LY6S: variants seen among roughly 807,000 people sequenced by gnomAD.
LY6S encodes the protein lymphocyte antigen 6S.
chr8:143,072,293 G>C, the LY6S span, among the ~76,000 whole-genome samples: 11 of 148,246 alleles, frequency 7.4e-5, no homozygotes, highest in African/African-American at 7.5e-5. Flanking sequence ...TCCTGTTTGA[G>C]GAGACAGCCG....
At chr8:143,050,763 GT>G in the LY6S span, among the ~76,000 whole-genome samples, 1 of 152,114 alleles carries the variant, frequency 6.6e-6, no homozygotes, top group Non-Finnish European at 1.5e-5. Flanking sequence ...TAGAATCCTG[GT>G]GCTGAATGGC....
chr8:143,058,464 A>G, the LY6S span, among the ~76,000 whole-genome samples: 2 of 152,162 alleles, frequency 1.3e-5, no homozygotes, highest in Admixed American at 1.3e-4. Flanking sequence ...AAGATAGCTT[A>G]TGCCATTATT....
the LY6S span, among the ~76,000 whole-genome samples, chr8:143,071,798 A>ATT: frequency 6.6e-6 from 1 of 152,082 alleles, no homozygotes; most frequent in Non-Finnish European, 1.5e-5. Context: ...CGACCCCAGG[A>ATT]AAGGAGGGTC....
At chr8:143,057,869 T>C in the LY6S span, 1 of 673,160 alleles carries the variant, frequency 1.5e-6, no homozygotes, top group South Asian at 1.6e-5. Flanking sequence ...CTGTGTCGGG[T>C]GCCATATGAG....
the LY6S span, among the ~76,000 whole-genome samples, chr8:143,043,445 A>G: frequency 8.5e-5 from 13 of 152,140 alleles, no homozygotes; most frequent in Admixed American, 1.3e-4. Context: ...GAGCCTGAAC[A>G]TCAAAGCCAT....
the LY6S span, among the ~76,000 whole-genome samples, chr8:143,063,315 G>A: frequency 6.0e-4 from 91 of 152,336 alleles, no homozygotes; most frequent in Middle Eastern, 6.8e-3. Flanking sequence ...TGAGTTTCCT[G>A]ACACCGTTTG....
At chr8:143,067,692 G>A in the LY6S span, among the ~76,000 whole-genome samples, 4 of 152,222 alleles carry the variant, frequency 2.6e-5, no homozygotes, top group African/African-American at 9.6e-5. Context: ...GGACAACAGG[G>A]TGATGGTGGG....
chr8:143,047,490 G>C, the LY6S span, among the ~76,000 whole-genome samples: 2 of 152,120 alleles, frequency 1.3e-5, no homozygotes, highest in Non-Finnish European at 2.9e-5. Context: ...AGTCAAGGAA[G>C]TGACCATATC....
chr8:143,064,127 G>GA, the LY6S span, among the ~76,000 whole-genome samples: 1 of 152,260 alleles, frequency 6.6e-6, no homozygotes, highest in East Asian at 1.9e-4. Context: ...CATGCATGCT[G>GA]ATGTTTTGTT....
At chr8:143,063,929 C>T in the LY6S span, among the ~76,000 whole-genome samples, 1 of 152,198 alleles carries the variant, frequency 6.6e-6, no homozygotes, top group Non-Finnish European at 1.5e-5. Context: ...ACTGCCCTTA[C>T]ACAAGGAGCC....
At chr8:143,054,325 A>AAAAAAAAAAAAAAAAG in the LY6S span, 2 of 150,472 alleles carry the variant, frequency 1.3e-5, no homozygotes, top group East Asian at 3.9e-4. Context: ...AAAAAAAAAA[A>AAAAAAAAAAAAAAAAG]AGAGAGAGAA....
chr8:143,062,398 T>C, the LY6S span, among the ~76,000 whole-genome samples: 8 of 152,196 alleles, frequency 5.3e-5, no homozygotes, highest in Non-Finnish European at 1.0e-4. Flanking sequence ...CCGGGCGTGG[T>C]AGCTCACGCC....
At chr8:143,074,046 G>C in the LY6S span, among the ~76,000 whole-genome samples, 2 of 152,118 alleles carry the variant, frequency 1.3e-5, no homozygotes, top group Non-Finnish European at 2.9e-5. Context: ...TTTTTCTCCT[G>C]GCTGCAGCTA....
At chr8:143,070,448 A>T in the LY6S span, among the ~76,000 whole-genome samples, 11 of 77,696 alleles carry the variant, frequency 1.4e-4, no homozygotes, top group Admixed American at 4.8e-4. Flanking sequence ...TATATATTGT[A>T]TATATATATA....
At chr8:143,066,538 T>C in the LY6S span, 1 of 302,026 alleles carries the variant, frequency 3.3e-6, no homozygotes, top group Non-Finnish European at 6.6e-6. Flanking sequence ...CGGCTGCACA[T>C]GGCTGTGGCC....
At chr8:143,056,146 T>A in the LY6S span, among the ~76,000 whole-genome samples, 1 of 149,630 alleles carries the variant, frequency 6.7e-6, no homozygotes, top group Non-Finnish European at 1.5e-5. Context: ...TTTTCTGTTT[T>A]TGGTGGTGGG....
the LY6S span, among the ~76,000 whole-genome samples, chr8:143,075,110 TC>T: frequency 6.6e-6 from 1 of 152,276 alleles, no homozygotes; most frequent in Non-Finnish European, 1.5e-5. The surrounding 1 kb of genome is among the most constrained non-coding windows in gnomAD (Gnocchi z 4.1). Flanking sequence ...CTCATTTTTT[TC>T]ATTTACATTA....
At chr8:143,062,069 G>A in the LY6S span, among the ~76,000 whole-genome samples, 1 of 151,990 alleles carries the variant, frequency 6.6e-6, no homozygotes, top group Non-Finnish European at 1.5e-5. Flanking sequence ...AACATATAAA[G>A]GTTGGAAAGA....
the LY6S span, among the ~76,000 whole-genome samples, chr8:143,073,368 GGC>G: frequency 4.6e-5 from 6 of 129,606 alleles, no homozygotes; most frequent in Admixed American, 7.4e-5. Context: ...TCATCCCCGG[GGC>G]TCCTGTTTGA....
Sources: allele counts gnomAD v4.1 joint callset (sites outside exome capture counted in the v4.1 genomes callset), GRCh38; gene constraint gnomAD v4.1.1; non-coding constraint Gnocchi (gnomAD v3.1); transcripts MANE v1.5; gene names NCBI Gene and HGNC (gene_info 2026-07-23, HGNC 2026-07-21).